AKAP13: variants seen among roughly 807,000 people sequenced by gnomAD.
AKAP13 encodes the protein A-kinase anchoring protein 13.
AKAP13 carries 80 observed loss-of-function variants against 264.5 expected under a neutral mutation model. The observed-to-expected ratio is 0.30, with a 90% confidence interval of 0.25 to 0.36. AKAP13 has a LOEUF of 0.36. Among genes scored for constraint, AKAP13 ranks in the 10% least tolerant of loss-of-function variants. AKAP13 has a pLI of 1.00. For synonymous variants in AKAP13, 1,380 were observed against 1,250.2 expected (o/e 1.10, Z -2.19); for missense variants, 3,712 against 3,435.2 (o/e 1.08, Z -2.01).
intron 1 of AKAP13, among the ~76,000 whole-genome samples, chr15:85,476,178 G>T (rs182217074): frequency 3.9e-5 from 6 of 152,278 alleles, no homozygotes; most frequent in Admixed American, 3.3e-4. Flanking sequence ...GGTATGCAGG[G>T]ACTGGATGGA....
intron 8 of AKAP13, among the ~76,000 whole-genome samples, chr15:85,631,279 G>T (rs1025021742): frequency 1.3e-5 from 2 of 152,086 alleles, no homozygotes; most frequent in Admixed American, 1.3e-4. Flanking sequence ...GGGGACAGGG[G>T]ATGGGGGTGA....
At chr15:85,583,680 C>A (rs1017142142) in intron 7 of AKAP13, among the ~76,000 whole-genome samples, 1 of 152,112 alleles carries the variant, frequency 6.6e-6, no homozygotes, top group Admixed American at 6.5e-5. Flanking sequence ...GCTCAGTGGT[C>A]AGAATTTGAC....
At chr15:85,463,018 C>T (rs375543872) in intron 1 of AKAP13, among the ~76,000 whole-genome samples, 1,199 of 81,838 alleles carry the variant, frequency 0.015, 15 homozygotes, top group African/African-American at 0.056. Context: ...AGCGAGACTC[C>T]GTCTCAAAAA....
chr15:85,722,927 G>A, intron 25 of AKAP13, 145 bp from the exon 26 acceptor site: 2 of 1,042,234 alleles, frequency 1.9e-6, no homozygotes, highest in Non-Finnish European at 2.7e-6. Context: ...AGAAGGATAG[G>A]CACATGATCT....
Position 85,736,074 on chromosome 15 carries a change from G to T in AKAP13, c.7513-16G>T. On this transcript the variant is annotated splice_polypyrimidine_tract_variant and intron_variant, in intron 32 of 36. Transcript: ENST00000394518. Reference sequence around the variant, plus strand: ...AAGATCTTCATTTTTTTATATGTATGTTTTTTGTTTTATAGGGTGGAAATG... The same window carrying T: ...AAGATCTTCATTTTTTTATATGTATTTTTTTTGTTTTATAGGGTGGAAATG... 1.3e-6 allele frequency: 2 copies of T among 1,581,310 alleles called. No homozygotes were observed. Among genetic ancestry groups the T allele is most frequent in the East Asian group, 2.2e-5 (1 of 44,688 alleles).
intron 1 of AKAP13, among the ~76,000 whole-genome samples, chr15:85,387,369 T>C (rs931065324): frequency 2.6e-5 from 4 of 152,080 alleles, no homozygotes; most frequent in Non-Finnish European, 5.9e-5. Context: ...CTCACTCAGT[T>C]GTCCAGTGTG....
At chr15:85,707,488 C>G (rs1198644715) in intron 17 of AKAP13, among the ~76,000 whole-genome samples, 2 of 152,172 alleles carry the variant, frequency 1.3e-5, no homozygotes, top group Non-Finnish European at 2.9e-5. Flanking sequence ...CGTAGTTAAG[C>G]TTTTCAGATT....
At chr15:85,451,435 T>C (rs913591494) in intron 1 of AKAP13, among the ~76,000 whole-genome samples, 4 of 152,176 alleles carry the variant, frequency 2.6e-5, no homozygotes, top group Non-Finnish European at 4.4e-5. Flanking sequence ...GGTTATTATG[T>C]TGGCTTGTTT....
intron 14 of AKAP13, 135 bp downstream of exon 14, chr15:85,669,965 A>T: frequency 6.1e-6 from 3 of 491,528 alleles, no homozygotes; most frequent in Non-Finnish European, 1.1e-5. Context: ...ATGGCTCAGC[A>T]CTTAAACAGA....
intron 17 of AKAP13, among the ~76,000 whole-genome samples, chr15:85,705,758 C>T (rs900279211): frequency 2.0e-5 from 3 of 152,250 alleles, no homozygotes; most frequent in Admixed American, 6.5e-5. Context: ...TTTAAGAAAC[C>T]ATTATGGTTA....
intron 1 of AKAP13, among the ~76,000 whole-genome samples, chr15:85,433,117 G>GTTTTT (rs199655190): frequency 4.7e-4 from 25 of 53,210 alleles, no homozygotes; most frequent in African/African-American, 1.7e-3. Flanking sequence ...CTTCTGTACA[G>GTTTTT]TTTTTTTTTT....
chr15:85,542,056 G>C (rs1198457453), intron 4 of AKAP13, among the ~76,000 whole-genome samples: 2 of 152,174 alleles, frequency 1.3e-5, no homozygotes, highest in East Asian at 3.8e-4. Context: ...TAAAGAATCA[G>C]GTATTTCCTA....
intron 33 of AKAP13, among the ~76,000 whole-genome samples, chr15:85,737,804 A>T (rs927615948): frequency 4.0e-5 from 6 of 151,860 alleles, no homozygotes; most frequent in African/African-American, 1.5e-4. Context: ...TACCTGGCTA[A>T]TTTTTTTGTA....
rs767420972 is a variant in AKAP13, at chr15:85,682,215, A to G, written c.5156+3A>G. ...ACCAGTGCTAATCTGACTGAGAGGT[A>G]CTATAAATTTGTTACTCCTTTTTCC... On this transcript the variant is annotated splice_donor_region_variant and intron_variant, in intron 15 of 36. Coordinates refer to ENST00000394518, the MANE Select transcript of AKAP13 (RefSeq NM_007200.5). The G allele has an allele frequency of 1.2e-6, 2 of 1,612,646 alleles. No individual in the cohort carries two copies. The highest frequency in any genetic ancestry group is 1.3e-5 in the African/African-American group (1 of 74,910).
chr15:85,736,513 A>G (rs1214779979), intron 33 of AKAP13, among the ~76,000 whole-genome samples: 1 of 152,082 alleles, frequency 6.6e-6, no homozygotes. Context: ...GGCTCAGGCA[A>G]TCCTCCAGAG....
At chr15:85,673,779 G>A (rs970992139) in intron 14 of AKAP13, among the ~76,000 whole-genome samples, 3 of 142,692 alleles carry the variant, frequency 2.1e-5, no homozygotes, top group East Asian at 4.6e-4. Flanking sequence ...TCTGCCTCCC[G>A]GGTTCATGCC....
chr15:85,739,002 A>G (rs1342411720), intron 33 of AKAP13, among the ~76,000 whole-genome samples: 3 of 152,190 alleles, frequency 2.0e-5, no homozygotes, highest in Admixed American at 6.5e-5. Flanking sequence ...TCCTCTTAAT[A>G]TGCATTAAAA....
At chr15:85,733,807 T>A (rs2088219158) in intron 30 of AKAP13, among the ~76,000 whole-genome samples, 1 of 151,858 alleles carries the variant, frequency 6.6e-6, no homozygotes, top group African/African-American at 2.4e-5. Flanking sequence ...ATTTCATTTC[T>A]GTGTTTTCTA....
chr15:85,571,782 C>G (rs879386867), intron 5 of AKAP13, among the ~76,000 whole-genome samples: 6 of 152,204 alleles, frequency 3.9e-5, no homozygotes, highest in African/African-American at 1.4e-4. Context: ...GATGATGGGA[C>G]TTACCCAGAC....
Sources: gnomAD v4.1 joint callset for allele counts (sites outside exome capture counted in the v4.1 genomes callset) on GRCh38, gnomAD v4.1.1 for gene constraint, MANE v1.5 for transcripts, NCBI Gene and HGNC (gene_info 2026-07-23, HGNC 2026-07-21) for gene names.